Variants in JAZF1 observed in about 807,000 individuals in gnomAD.
The protein encoded by JAZF1 is juxtaposed with another zinc finger protein 1.
JAZF1 carries 8 observed loss-of-function variants against 26.4 expected under a neutral mutation model. The observed-to-expected ratio is 0.30, with a 90% CI of 0.18 to 0.55. JAZF1 has a LOEUF of 0.55. JAZF1 is among the 20% of genes least tolerant of loss of function. The probability of loss-of-function intolerance (pLI) is 0.94; values close to 1 mark genes in which losing one functional copy is unlikely to be tolerated. For missense variants in JAZF1, 199 were observed against 322.0 expected (o/e 0.62, Z 2.92); for synonymous variants, 126 against 122.3 (o/e 1.03, Z -0.20).
At chr7:28,127,471 C>T (rs1417390820) in intron 1 of JAZF1, among the ~76,000 whole-genome samples, 1 of 152,076 alleles carries the variant, frequency 6.6e-6, no homozygotes. Context: ...AAAACACAAA[C>T]CTTCACCAGG....
At chr7:27,945,165 G>A (rs748017927) in intron 2 of JAZF1, among the ~76,000 whole-genome samples, 15 of 152,002 alleles carry the variant, frequency 9.9e-5, no homozygotes, top group Non-Finnish European at 1.6e-4. Flanking sequence ...TTTCAGGGCC[G>A]GGGTTTAAGC....
chr7:27,918,123 C>G (rs142760876), intron 2 of JAZF1, among the ~76,000 whole-genome samples: 97 of 152,252 alleles, frequency 6.4e-4, no homozygotes, highest in African/African-American at 2.3e-3. Context: ...ATGGTGGACA[C>G]GCAGAGTAAG....
At chr7:27,843,921 T>C (rs1489146743) in intron 3 of JAZF1, 1 of 152,282 alleles carries the variant, frequency 6.6e-6, no homozygotes, top group Non-Finnish European at 1.5e-5. Context: ...CAAAATGCTA[T>C]GTGAGCTGTT....
intron 2 of JAZF1, among the ~76,000 whole-genome samples, chr7:27,967,279 C>T (rs534913995): frequency 6.6e-5 from 10 of 152,116 alleles, no homozygotes; most frequent in Admixed American, 2.0e-4. Flanking sequence ...GCAGGACCCC[C>T]GTACCATGCT....
chr7:28,017,193 A>G (rs889638068), intron 1 of JAZF1, among the ~76,000 whole-genome samples: 1 of 152,048 alleles, frequency 6.6e-6, no homozygotes, highest in Non-Finnish European at 1.5e-5. Flanking sequence ...TCTACTAAAC[A>G]TACAAAAATT....
intron 2 of JAZF1, among the ~76,000 whole-genome samples, chr7:27,939,944 T>C (rs1784817561): frequency 6.6e-6 from 1 of 152,144 alleles, no homozygotes; most frequent in South Asian, 2.1e-4. Context: ...TTGCTAACAG[T>C]GGTTGAAAAC....
intron 1 of JAZF1, among the ~76,000 whole-genome samples, chr7:28,145,297 C>T (rs967689795): frequency 2.6e-5 from 4 of 152,100 alleles, no homozygotes; most frequent in East Asian, 1.9e-4. Context: ...TTTGCTTTTC[C>T]GGGTACTGAG....
chr7:28,025,192 T>C (rs538465446), intron 1 of JAZF1, among the ~76,000 whole-genome samples: 5 of 152,236 alleles, frequency 3.3e-5, no homozygotes, highest in Non-Finnish European at 7.3e-5. Context: ...TTAGCTACTT[T>C]GTCACCTCCC....
chr7:28,133,286 G>C (rs1400690547), intron 1 of JAZF1, among the ~76,000 whole-genome samples: 1 of 152,168 alleles, frequency 6.6e-6, no homozygotes, highest in African/African-American at 2.4e-5. Context: ...TTTTGACTGA[G>C]AATGATTAAA....
intron 3 of JAZF1, among the ~76,000 whole-genome samples, chr7:27,876,645 G>T (rs1783685491): frequency 6.6e-6 from 1 of 152,176 alleles, no homozygotes; most frequent in Non-Finnish European, 1.5e-5. Context: ...TTAATAATTA[G>T]CTTTGGCAAG....
intron 2 of JAZF1, among the ~76,000 whole-genome samples, chr7:27,900,532 A>G (rs1784147354): frequency 6.6e-6 from 1 of 152,202 alleles, no homozygotes; most frequent in Non-Finnish European, 1.5e-5. Flanking sequence ...GAAACTGGCA[A>G]TAACACAAAT....
At chr7:27,895,438 A>AG (rs775255750) in intron 2 of JAZF1, 22 bp from the exon 3 acceptor site, 1 of 1,563,170 alleles carries the variant, frequency 6.4e-7, no homozygotes, top group African/African-American at 1.4e-5. Flanking sequence ...ATGGAAGGTA[A>AG]GGAACCTGGG....
At chr7:28,090,096 C>A (rs913231887) in intron 1 of JAZF1, among the ~76,000 whole-genome samples, 1 of 152,184 alleles carries the variant, frequency 6.6e-6, no homozygotes, top group Admixed American at 6.5e-5. Flanking sequence ...GGGCTTCAAT[C>A]CCAATATCCA....
At chr7:28,056,955 A>G (rs1335578780) in intron 1 of JAZF1, among the ~76,000 whole-genome samples, 3 of 152,190 alleles carry the variant, frequency 2.0e-5, no homozygotes, top group East Asian at 3.8e-4. Flanking sequence ...TTGAGCTGCT[A>G]TTCTAGAGCA....
chr7:28,034,057 T>C (rs1331076273), intron 1 of JAZF1, among the ~76,000 whole-genome samples: 1 of 152,130 alleles, frequency 6.6e-6, no homozygotes, highest in Non-Finnish European at 1.5e-5. Flanking sequence ...CTCTTAATTC[T>C]TTCTCAAATC....
At chr7:28,157,771 A>G (rs1439858466) in intron 1 of JAZF1, among the ~76,000 whole-genome samples, 2 of 152,202 alleles carry the variant, frequency 1.3e-5, no homozygotes, top group Admixed American at 6.5e-5. Context: ...GAAGCTTAGC[A>G]TGTAATGCTA....
chr7:28,080,598 C>T (rs1784119425), intron 1 of JAZF1, among the ~76,000 whole-genome samples: 1 of 152,162 alleles, frequency 6.6e-6, no homozygotes, highest in Non-Finnish European at 1.5e-5. Context: ...TGAACACTTA[C>T]AGGTCATCAT....
intron 1 of JAZF1, among the ~76,000 whole-genome samples, chr7:28,012,641 G>A (rs768898284): frequency 5.3e-5 from 8 of 152,180 alleles, no homozygotes; most frequent in Non-Finnish European, 1.0e-4. Flanking sequence ...GACAAAGCCA[G>A]AACTGGCATT....
intron 2 of JAZF1, among the ~76,000 whole-genome samples, chr7:27,951,425 C>T (rs1285870677): frequency 1.3e-5 from 2 of 152,138 alleles, no homozygotes; most frequent in Non-Finnish European, 2.9e-5. Flanking sequence ...CATTTGCTGC[C>T]ACAGTGTACA....
Sources: allele counts gnomAD v4.1 joint callset (sites outside exome capture counted in the v4.1 genomes callset), GRCh38; gene constraint gnomAD v4.1.1; transcripts MANE v1.5; gene names NCBI Gene and HGNC (gene_info 2026-07-23, HGNC 2026-07-21).